The following FRMD4A variants were observed in gnomAD, a reference collection of about 807,000 sequenced individuals.
FRMD4A encodes the protein FERM domain-containing protein 4A.
In FRMD4A, 29 loss-of-function variants were observed where a neutral mutation model predicts 129.1. The ratio of observed to expected loss-of-function variants is 0.22; its 90% CI spans 0.17 to 0.31. FRMD4A has a LOEUF of 0.31. Among genes scored for constraint, FRMD4A ranks in the 10% least tolerant of loss-of-function variants. The pLI is 1.00. For synonymous variants in FRMD4A, 634 were observed against 571.6 expected, an observed-to-expected ratio of 1.11 and a Z score of -1.56; for missense variants, 1,272 against 1,375.8, an observed-to-expected ratio of 0.92 and a Z score of 1.19.
chr10:14,125,834 G>A (rs1033524808), intron 2 of FRMD4A, among the ~76,000 whole-genome samples: 1 of 150,560 alleles, frequency 6.6e-6, no homozygotes, highest in African/African-American at 2.5e-5. Flanking sequence ...TAGTAGGTAA[G>A]TCTGCTACCA....
intron 6 of FRMD4A, 44 bp downstream of exon 6, chr10:13,782,878 A>G (rs2092771554): frequency 1.2e-6 from 1 of 863,038 alleles, no homozygotes; most frequent in African/African-American, 1.6e-5. Context: ...TTCAAATGAT[A>G]CTTTCAGGTT....
intron 6 of FRMD4A, among the ~76,000 whole-genome samples, chr10:13,765,101 A>ATTTTTTTTTTTTTTTTT (rs10708906): frequency 8.0e-6 from 1 of 125,276 alleles, no homozygotes. Context: ...TCAAGGATTG[A>ATTTTTTTTTTTTTTTTT]TTTTTTTTTT....
intron 2 of FRMD4A, among the ~76,000 whole-genome samples, chr10:14,090,662 A>G (rs1207271451): frequency 6.6e-6 from 1 of 152,170 alleles, no homozygotes; most frequent in Non-Finnish European, 1.5e-5. Flanking sequence ...CCTGGGTACT[A>G]CTTGTAATTT....
At chr10:13,834,007 C>T (rs1304197011) in intron 3 of FRMD4A, among the ~76,000 whole-genome samples, 1 of 152,120 alleles carries the variant, frequency 6.6e-6, no homozygotes, top group Non-Finnish European at 1.5e-5. Context: ...CCTGTAATCC[C>T]AGGACTTTGG....
chr10:13,945,838 G>A (rs1228364405), intron 2 of FRMD4A, among the ~76,000 whole-genome samples: 2 of 152,160 alleles, frequency 1.3e-5, no homozygotes, highest in African/African-American at 2.4e-5. Context: ...TTATCCCCAG[G>A]AAGTGATCCT....
At chr10:14,242,418 G>C (rs1844080359) in intron 2 of FRMD4A, among the ~76,000 whole-genome samples, 1 of 152,208 alleles carries the variant, frequency 6.6e-6, no homozygotes, top group Non-Finnish European at 1.5e-5. Context: ...AGATTTTGCA[G>C]ATATTTCTTA....
rs61755072 is a variant in FRMD4A at position 13,737,898 on chromosome 10, C to T, written c.705G>A (p.Leu235=). 0.01 allele frequency: 16,171 copies of T among 1,606,902 alleles called. 120 individuals are homozygous for T. The highest frequency in any genetic ancestry group is 0.013 in the Non-Finnish European group (14,901 of 1,173,572). The change falls in exon 12 of 25, where the codon CTG becomes CTA. Residue 235 remains leucine, a synonymous_variant. Transcript: ENST00000357447. ...CATACTGGAAGATCCCTTTGTAGCTCAGGCCCAGCCACCATGGTATGCCCT... is the reference window on the plus strand; with the variant it reads ...CATACTGGAAGATCCCTTTGTAGCTTAGGCCCAGCCACCATGGTATGCCCT... ...DKQGIPWWLG[L]SYKGIFQYDY... is the part of the protein sequence containing the mutation.
intron 2 of FRMD4A, among the ~76,000 whole-genome samples, chr10:14,231,406 G>T (rs1401235097): frequency 2.0e-5 from 3 of 149,734 alleles, no homozygotes; most frequent in African/African-American, 7.4e-5. Context: ...GCAGTGGCAT[G>T]ACCTCGGCTC....
At chr10:13,951,883 C>T (rs1169745419) in intron 2 of FRMD4A, among the ~76,000 whole-genome samples, 2 of 94,782 alleles carry the variant, frequency 2.1e-5, no homozygotes, top group Admixed American at 1.2e-4. Flanking sequence ...GAGTGAGACT[C>T]TGTCTCAAAT....
intron 2 of FRMD4A, among the ~76,000 whole-genome samples, chr10:14,209,518 A>G (rs1049041627): frequency 6.6e-6 from 1 of 151,914 alleles, no homozygotes; most frequent in Admixed American, 6.6e-5. Flanking sequence ...TCAGGAGATC[A>G]AGACCATCCT....
chr10:13,772,985 C>A (rs958079236), intron 6 of FRMD4A, among the ~76,000 whole-genome samples: 1 of 152,152 alleles, frequency 6.6e-6, no homozygotes, highest in African/African-American at 2.4e-5. Flanking sequence ...AGGATAAATG[C>A]TTGAGGGGGT....
chr10:13,785,662 T>C (rs931984583), intron 5 of FRMD4A, among the ~76,000 whole-genome samples: 2 of 152,238 alleles, frequency 1.3e-5, no homozygotes, highest in African/African-American at 4.8e-5. Context: ...AGGGTACACA[T>C]GCACAACGTG....
intron 3 of FRMD4A, among the ~76,000 whole-genome samples, chr10:13,840,512 T>C (rs1333704836): frequency 6.6e-6 from 1 of 152,102 alleles, no homozygotes; most frequent in Non-Finnish European, 1.5e-5. Context: ...CTAAGGACCA[T>C]GTGGGTTGGC....
intron 2 of FRMD4A, chr10:14,326,560 T>A (rs1438218820): frequency 6.4e-6 from 2 of 312,308 alleles, no homozygotes; most frequent in East Asian, 1.0e-4. Context: ...TTTGCATTAT[T>A]TATTATCCAG....
At chr10:13,850,341 T>C (rs1323676320) in intron 3 of FRMD4A, among the ~76,000 whole-genome samples, 3 of 152,224 alleles carry the variant, frequency 2.0e-5, no homozygotes, top group African/African-American at 7.2e-5. Context: ...AGTGCTATTT[T>C]ACTGACAGCC....
At chr10:13,745,959 C>T (rs4750403) in intron 9 of FRMD4A, among the ~76,000 whole-genome samples, 37,985 of 152,002 alleles carry the variant, frequency 0.25, 5,458 homozygotes, top group East Asian at 0.52. Flanking sequence ...TTGCAAGTCT[C>T]GACATTTGGA....
intron 2 of FRMD4A, among the ~76,000 whole-genome samples, chr10:14,268,872 A>G (rs1477727720): frequency 6.6e-6 from 1 of 151,638 alleles, no homozygotes; most frequent in Non-Finnish European, 1.5e-5. Context: ...GTGCTTCTAA[A>G]CACTCCAAAT....
intron 2 of FRMD4A, among the ~76,000 whole-genome samples, chr10:14,192,932 C>A (rs1842361175): frequency 6.6e-6 from 1 of 152,184 alleles, no homozygotes; most frequent in African/African-American, 2.4e-5. Flanking sequence ...GCAATATGAA[C>A]TAAATATATT....
intron 2 of FRMD4A, among the ~76,000 whole-genome samples, chr10:14,277,348 G>C (rs1042416394): frequency 2.0e-5 from 3 of 152,196 alleles, no homozygotes; most frequent in African/African-American, 7.2e-5. Context: ...TTAGGAAGGG[G>C]GGCGGTTAGG....
Sources: allele counts gnomAD v4.1 joint callset (sites outside exome capture counted in the v4.1 genomes callset), GRCh38; gene constraint gnomAD v4.1.1; transcripts MANE v1.5; gene names NCBI Gene and HGNC (gene_info 2026-07-23, HGNC 2026-07-21).